Variants in OPCML observed in about 807,000 individuals in gnomAD.
OPCML encodes opioid-binding protein/cell adhesion molecule.
Under a neutral mutation model 37.8 loss-of-function variants are expected in OPCML, and 13 were observed. That is an observed-to-expected ratio of 0.34 (90% CI 0.22 to 0.55). The LOEUF is 0.55. OPCML is among the 20% of genes least tolerant of loss of function. The pLI is 0.91. For missense variants in OPCML, 341 were observed against 435.6 expected, an observed-to-expected ratio of 0.78 and a Z score of 1.93; for synonymous variants, 176 against 168.8, an observed-to-expected ratio of 1.04 and a Z score of -0.33.
intron 7 of OPCML, among the ~76,000 whole-genome samples, chr11:132,433,368 C>T (rs1192615001): frequency 1.3e-5 from 2 of 152,118 alleles, no homozygotes; most frequent in African/African-American, 4.8e-5. Flanking sequence ...GGACTCAGGC[C>T]TGTGGTTTTT....
intron 3 of OPCML, among the ~76,000 whole-genome samples, chr11:132,552,273 T>C (rs913746241): frequency 1.3e-5 from 2 of 152,234 alleles, no homozygotes; most frequent in Non-Finnish European, 2.9e-5. Context: ...TGCACCCTTG[T>C]TAAGACTGGT....
chr11:132,830,525 T>C (rs1055620080), intron 2 of OPCML, among the ~76,000 whole-genome samples: 6 of 152,230 alleles, frequency 3.9e-5, no homozygotes, highest in Non-Finnish European at 7.3e-5. Context: ...GGATGCCTTC[T>C]GCAGTTCTCA....
chr11:132,824,768 CA>C (rs1330297003), intron 2 of OPCML, among the ~76,000 whole-genome samples: 3 of 152,152 alleles, frequency 2.0e-5, no homozygotes, highest in Admixed American at 2.0e-4. Context: ...ATAACAACAA[CA>C]AAAAAATCAA....
intron 1 of OPCML, chr11:133,361,445 C>G (rs1397436909): frequency 6.5e-6 from 1 of 153,040 alleles, no homozygotes; most frequent in Non-Finnish European, 1.5e-5. Flanking sequence ...ATCAGGACAC[C>G]ACCAATGCGT....
At chr11:133,521,575 C>T (rs1948398651) in intron 1 of OPCML, among the ~76,000 whole-genome samples, 2 of 152,184 alleles carry the variant, frequency 1.3e-5, no homozygotes, top group Admixed American at 6.5e-5. Flanking sequence ...CATGCAAAAT[C>T]CTGATAGTGG....
chr11:132,443,715 A>G (rs1002598493), intron 4 of OPCML, among the ~76,000 whole-genome samples: 1 of 152,242 alleles, frequency 6.6e-6, no homozygotes, highest in African/African-American at 2.4e-5. Context: ...CTGGAGTAAG[A>G]TAGACCACAG....
At chr11:133,127,200 T>G (rs374592474) in intron 1 of OPCML, among the ~76,000 whole-genome samples, 1 of 152,198 alleles carries the variant, frequency 6.6e-6, no homozygotes, top group African/African-American at 2.4e-5. Context: ...TCTAGATCCC[T>G]GGTAATTTAA....
At chr11:133,511,782 T>C (rs1301272547) in intron 1 of OPCML, among the ~76,000 whole-genome samples, 1 of 152,094 alleles carries the variant, frequency 6.6e-6, no homozygotes, top group Admixed American at 6.5e-5. Context: ...GTTTGTTGTG[T>C]ATTATAAGAT....
intron 1 of OPCML, among the ~76,000 whole-genome samples, chr11:132,944,900 G>C (rs925697257): frequency 6.6e-6 from 1 of 152,126 alleles, no homozygotes; most frequent in African/African-American, 2.4e-5. Context: ...AATTAGACTG[G>C]GCTCTGCACA....
chr11:133,226,033 C>T (rs1323081040), intron 1 of OPCML, among the ~76,000 whole-genome samples: 1 of 152,194 alleles, frequency 6.6e-6, no homozygotes, highest in Non-Finnish European at 1.5e-5. Context: ...TTACCTGCAC[C>T]AGTTGGCACA....
At chr11:133,510,903 GCA>G (rs139570053) in intron 1 of OPCML, among the ~76,000 whole-genome samples, 73 of 147,376 alleles carry the variant, frequency 5.0e-4, no homozygotes, top group South Asian at 1.1e-3. Flanking sequence ...ACACACACAC[GCA>G]CACACACACA....
chr11:132,906,966 C>T (rs773104846), intron 2 of OPCML, among the ~76,000 whole-genome samples: 9 of 152,184 alleles, frequency 5.9e-5, no homozygotes, highest in Non-Finnish European at 1.0e-4. Flanking sequence ...AAAATATCGA[C>T]AGCTCTCTAC....
chr11:132,915,608 C>T (rs1404155982), intron 2 of OPCML, among the ~76,000 whole-genome samples: 1 of 151,892 alleles, frequency 6.6e-6, no homozygotes, highest in Non-Finnish European at 1.5e-5. Context: ...GATAATCTCA[C>T]CAGCAGTGTG....
At chr11:133,226,200 C>T (rs774714785) in intron 1 of OPCML, among the ~76,000 whole-genome samples, 14 of 152,282 alleles carry the variant, frequency 9.2e-5, no homozygotes, top group Non-Finnish European at 1.6e-4. Flanking sequence ...TATGTCTCCA[C>T]ACCACCTGAA....
chr11:133,171,322 G>T (rs989383751), intron 1 of OPCML, among the ~76,000 whole-genome samples: 1 of 152,088 alleles, frequency 6.6e-6, no homozygotes, highest in Non-Finnish European at 1.5e-5. Flanking sequence ...TTTCCAAAAG[G>T]CTCTTATCTT....
At chr11:132,766,923 CAT>C (rs1217843724) in intron 2 of OPCML, among the ~76,000 whole-genome samples, 1 of 152,152 alleles carries the variant, frequency 6.6e-6, no homozygotes, top group East Asian at 1.9e-4. Context: ...TTGTTCTTAA[CAT>C]AAACACATGG....
chr11:132,453,729 A>G lies in OPCML; in HGVS notation c.506-16370T>C, dbSNP rs1368073141. ...GCGTGGGGCTGGTACAAAGAAACAT[A>G]GCTCTGGCTACAGGCAGTGCTCAAA... On this transcript the variant is annotated intron_variant, in intron 4 of 7. Transcript: ENST00000524381. 1.3e-5 allele frequency among the ~76,000 whole-genome samples: 2 copies of G among 152,236 alleles called. 1 individual carries two copies. The highest frequency in any genetic ancestry group is 1.3e-4 in the Admixed American group (2 of 15,290).
At chr11:132,678,396 T>C (rs1000379085) in intron 2 of OPCML, among the ~76,000 whole-genome samples, 1 of 152,208 alleles carries the variant, frequency 6.6e-6, no homozygotes, top group Non-Finnish European at 1.5e-5. Context: ...CTTTTTACTA[T>C]TTTTCTAAAG....
intron 1 of OPCML, among the ~76,000 whole-genome samples, chr11:133,490,047 C>A (rs2120432669): frequency 1.3e-5 from 2 of 152,186 alleles, no homozygotes; most frequent in Middle Eastern, 6.9e-3. Flanking sequence ...GTACCTCATA[C>A]CAAATACATG....
Sources: gnomAD v4.1 joint callset for allele counts (sites outside exome capture counted in the v4.1 genomes callset) on GRCh38, gnomAD v4.1.1 for gene constraint, MANE v1.5 for transcripts, NCBI Gene and HGNC (gene_info 2026-07-23, HGNC 2026-07-21) for gene names.